The following NCOA3 variants were observed in gnomAD, a reference collection of about 807,000 sequenced individuals.
NCOA3 encodes the protein nuclear receptor coactivator 3, also known as CBP-interacting protein.
In NCOA3, 51 loss-of-function variants were observed where a neutral mutation model predicts 158.8. The observed-to-expected ratio is 0.32, with a 90% CI of 0.26 to 0.41. The LOEUF is 0.41. Among genes scored for constraint, NCOA3 ranks in the 10% least tolerant of loss-of-function variants. NCOA3 has a pLI of 1.00. For missense variants in NCOA3, 1,510 were observed against 1,746.6 expected, an observed-to-expected ratio of 0.86 and a Z score of 2.41; for synonymous variants, 537 against 592.4, an observed-to-expected ratio of 0.91 and a Z score of 1.36.
chr20:47,636,808 G>T (rs773590274), intron 12 of NCOA3, 46 bp downstream of exon 12: 7 of 1,493,242 alleles, frequency 4.7e-6, no homozygotes, highest in Middle Eastern at 1.8e-4. Context: ...ATCATTTTTC[G>T]GTGTTAGATA....
intron 1 of NCOA3, among the ~76,000 whole-genome samples, chr20:47,576,071 G>A (rs1198547863): frequency 6.6e-6 from 1 of 152,106 alleles, no homozygotes; most frequent in African/African-American, 2.4e-5. Context: ...ACTGCCAAAT[G>A]GTTCACTCCT....
At chr20:47,646,176 A>G (rs1215545545) in intron 17 of NCOA3, among the ~76,000 whole-genome samples, 4 of 152,220 alleles carry the variant, frequency 2.6e-5, no homozygotes, top group African/African-American at 7.2e-5. Flanking sequence ...TCAGCTCTAC[A>G]TTACTTATAA....
At chr20:47,520,100 C>T (rs759107616) in intron 1 of NCOA3, among the ~76,000 whole-genome samples, 1 of 138,862 alleles carries the variant, frequency 7.2e-6, no homozygotes, top group Non-Finnish European at 1.5e-5. Context: ...AGGAAGGCTA[C>T]AGGTTGTCAG....
At position 47,558,955 on chromosome 20, in the gene NCOA3, G is replaced by C. The variant is rs117841847; in HGVS notation, c.-98-24228G>C. ...AGCAGGAATTTATTGTTTTGGACTT[G>C]ATGCCTTTCACAGCTTTTTCCGTAA... On this transcript the variant is annotated intron_variant, in intron 1 of 22. Coordinates refer to ENST00000371998, the MANE Select transcript of NCOA3 (RefSeq NM_181659.3). Among the ~76,000 whole-genome samples the C allele has an allele frequency of 5.0e-3, 750 of 150,146 alleles. 6 individuals are homozygous for C. The highest frequency in any genetic ancestry group is 8.7e-3 in the Non-Finnish European group (588 of 67,756).
chr20:47,511,410 ATTTTTTTTTTT>A (rs35591258), intron 1 of NCOA3, among the ~76,000 whole-genome samples: 46 of 86,398 alleles, frequency 5.3e-4, no homozygotes, highest in Non-Finnish European at 9.0e-4. Context: ...ACCATGCCTA[ATTTTTTTTTTT>A]TTTTTTTTTT....
Position 47,653,635 on chromosome 20 carries a change from A to T in NCOA3, c.*218A>T. The T allele has an allele frequency of 1.7e-6, 1 of 578,466 alleles. No homozygotes were observed. The highest frequency in any genetic ancestry group is 3.1e-6 in the Non-Finnish European group (1 of 327,736). 35.8% of individuals were successfully genotyped at this position (578,466 alleles called of 1,614,324 possible). A position where few individuals can be genotyped will look rare whatever the true frequency, so the allele number is the denominator to read the frequency against. Reference sequence around the variant, plus strand: ...TTCCCCCCTCCTTCTGCTGTGTATCATGGTGTTCAAAACAGAAATGTTTTT... The same window carrying T: ...TTCCCCCCTCCTTCTGCTGTGTATCTTGGTGTTCAAAACAGAAATGTTTTT... On this transcript the variant is annotated 3_prime_UTR_variant, in exon 23 of 23. Transcript: ENST00000371998.
At chr20:47,631,819 A>G (rs1209913582) in intron 8 of NCOA3, among the ~76,000 whole-genome samples, 1 of 152,226 alleles carries the variant, frequency 6.6e-6, no homozygotes, top group African/African-American at 2.4e-5. Context: ...CTGGACATGT[A>G]TATTCAGTAC....
At chr20:47,610,953 G>A (rs1381543732) in intron 2 of NCOA3, among the ~76,000 whole-genome samples, 1 of 152,102 alleles carries the variant, frequency 6.6e-6, no homozygotes, top group Non-Finnish European at 1.5e-5. Flanking sequence ...CAGGCACTCT[G>A]GTTTAGGAAT....
intron 1 of NCOA3, among the ~76,000 whole-genome samples, chr20:47,525,987 G>A (rs2084438340): frequency 6.6e-6 from 1 of 151,564 alleles, no homozygotes; most frequent in African/African-American, 2.4e-5. Flanking sequence ...GGGCGGAGAC[G>A]CTCCTCACTT....
At chr20:47,505,855 G>A (rs2084024601) in intron 1 of NCOA3, among the ~76,000 whole-genome samples, 3 of 140,588 alleles carry the variant, frequency 2.1e-5, no homozygotes, top group African/African-American at 5.3e-5. Flanking sequence ...AGGCTGGAGT[G>A]CAGTGGCATG....
Position 47,636,034 on chromosome 20 carries a change from A to G in NCOA3, c.1648A>G (p.Asn550Asp). The change falls in exon 12 of 23, where the codon AAC (asparagine) becomes GAC (aspartate). Residue 550 changes from asparagine to aspartate, a missense_variant. Coordinates refer to ENST00000371998, the MANE Select transcript of NCOA3 (RefSeq NM_181659.3). Reference protein sequence around the residue: ...TLSSPGPKLDNSPNMNITQPS... With the variant: ...TLSSPGPKLDDSPNMNITQPS... ...GTCATCACCAGGCCCCAAATTGGAT[A>G]ACTCTCCCAATATGAATATTACCCA... 6.2e-7 allele frequency: 1 copy of G among 1,614,116 alleles called. No individual in the cohort carries two copies. The highest frequency in any genetic ancestry group is 8.5e-7 in the Non-Finnish European group (1 of 1,180,022).
At chr20:47,505,897 G>T (rs2084025491) in intron 1 of NCOA3, among the ~76,000 whole-genome samples, 1 of 151,056 alleles carries the variant, frequency 6.6e-6, no homozygotes, top group Non-Finnish European at 1.5e-5. Flanking sequence ...TGCCTCCCAG[G>T]TTCAAGCGAT....
intron 1 of NCOA3, among the ~76,000 whole-genome samples, chr20:47,509,243 A>G (rs1212898172): frequency 2.0e-5 from 3 of 152,022 alleles, no homozygotes; most frequent in African/African-American, 7.2e-5. Context: ...AGGAAAAAAA[A>G]ATTAGCCGGG....
At chr20:47,616,619 G>A (rs1462139599) in intron 2 of NCOA3, among the ~76,000 whole-genome samples, 1 of 152,154 alleles carries the variant, frequency 6.6e-6, no homozygotes, top group African/African-American at 2.4e-5. Context: ...TCATGGATCT[G>A]GATGATAGAG....
intron 3 of NCOA3, among the ~76,000 whole-genome samples, 191 bp from the exon 4 acceptor site, chr20:47,623,720 G>A (rs1301194384): frequency 1.3e-5 from 2 of 152,062 alleles, no homozygotes; most frequent in Non-Finnish European, 2.9e-5. Flanking sequence ...TCCTGGAGGT[G>A]GAGGTTGCAT....
At chr20:47,538,500 C>T (rs1293591329) in intron 1 of NCOA3, among the ~76,000 whole-genome samples, 1 of 152,010 alleles carries the variant, frequency 6.6e-6, no homozygotes, top group Non-Finnish European at 1.5e-5. Context: ...ATTTTCTCTG[C>T]CTCCTTAAAG....
intron 1 of NCOA3, among the ~76,000 whole-genome samples, chr20:47,548,871 A>G (rs750717136): frequency 6.6e-6 from 1 of 152,194 alleles, no homozygotes; most frequent in Non-Finnish European, 1.5e-5. Context: ...CATTTGGTGA[A>G]TATGATAAAA....
chr20:47,568,317 G>C (rs2085231768), intron 1 of NCOA3, among the ~76,000 whole-genome samples: 1 of 151,870 alleles, frequency 6.6e-6, no homozygotes, highest in Admixed American at 6.6e-5. Flanking sequence ...GTTATCTTTG[G>C]AATAGTTCAC....
chr20:47,648,928 G>C, intron 18 of NCOA3, 77 bp from the exon 19 acceptor site: 1 of 788,332 alleles, frequency 1.3e-6, no homozygotes, highest in Non-Finnish European at 2.2e-6. Context: ...CTCATTGGCT[G>C]GTGCTGAGGG....
Sources: allele counts gnomAD v4.1 joint callset (sites outside exome capture counted in the v4.1 genomes callset), GRCh38; gene constraint gnomAD v4.1.1; transcripts MANE v1.5; gene names NCBI Gene and HGNC (gene_info 2026-07-23, HGNC 2026-07-21).